ACAA1: variants seen among roughly 807,000 people sequenced by gnomAD.
The protein encoded by ACAA1 is 3-ketoacyl-CoA thiolase, peroxisomal.
Under a neutral mutation model 48.8 loss-of-function variants are expected in ACAA1, and 44 were observed. That is an observed-to-expected ratio of 0.90 (90% CI 0.71 to 1.16). The LOEUF (loss-of-function observed/expected upper bound fraction) is 1.16, where lower values mean the gene tolerates loss of function less well. ACAA1 is among the 50% of genes most tolerant of loss of function. ACAA1 has a pLI of 0.00. For missense variants in ACAA1, 512 were observed against 562.3 expected (o/e 0.91, Z 0.90); for synonymous variants, 233 against 226.5 (o/e 1.03, Z -0.26).
At position 38,136,862 on chromosome 3, in the gene ACAA1, C is replaced by T. The variant is rs1700912691; in HGVS notation, c.171+3G>A. 3.3e-6 allele frequency: 5 copies of T among 1,523,576 alleles called. No homozygotes were observed. The highest frequency in any genetic ancestry group is 3.5e-6 in the Non-Finnish European group (4 of 1,140,946). The allele number at this position is 1,523,576 out of a possible 1,614,324, so 94.4% of individuals were successfully genotyped here. A position where few individuals can be genotyped will look rare whatever the true frequency, so the allele number is the denominator to read the frequency against. On this transcript the variant is annotated splice_donor_region_variant and intron_variant, in intron 1 of 11. Coordinates refer to ENST00000333167, the MANE Select transcript of ACAA1 (RefSeq NM_001607.4). Reference sequence around the variant, plus strand: ...ACTCGGCGCCCAGACCCTCGGGCCTCACCTTGAAGCCGCCGCGGCCCGCCC... The same window carrying T: ...ACTCGGCGCCCAGACCCTCGGGCCTTACCTTGAAGCCGCCGCGGCCCGCCC...
chr3:38,132,152 G>A (rs1458573505), intron 3 of ACAA1, 147 bp from the exon 4 acceptor site: 3 of 622,650 alleles, frequency 4.8e-6, no homozygotes, highest in Non-Finnish European at 8.4e-6. Flanking sequence ...TGCCAGGCCA[G>A]ATCCATGGAA....
intron 3 of ACAA1, among the ~76,000 whole-genome samples, chr3:38,132,750 G>C (rs1700813622): frequency 6.6e-6 from 1 of 152,156 alleles, no homozygotes; most frequent in Non-Finnish European, 1.5e-5. Flanking sequence ...CTGGTGTGTA[G>C]CCAGAGTTGG....
intron 5 of ACAA1, among the ~76,000 whole-genome samples, chr3:38,131,067 T>C (rs1700776545): frequency 6.6e-6 from 1 of 152,140 alleles, no homozygotes; most frequent in African/African-American, 2.4e-5. Context: ...GGAGCCACAG[T>C]CTAGGTGAAG....
At chr3:38,136,723 C>G (rs1264920969) in intron 1 of ACAA1, 38 bp from the exon 2 acceptor site, 1 of 1,558,164 alleles carries the variant, frequency 6.4e-7, no homozygotes, top group Non-Finnish European at 8.7e-7. Context: ...CCCCCACTCC[C>G]CCATGCCCAC....
At chr3:38,136,834 C>G in intron 1 of ACAA1, 31 bp downstream of exon 1, 1 of 1,496,180 alleles carries the variant, frequency 6.7e-7, no homozygotes, top group East Asian at 2.5e-5. Context: ...GGCGTCTTCC[C>G]ACACTCGGCG....
chr3:38,125,819 G>T lies in ACAA1; in HGVS notation c.1053+7C>A. On this transcript the variant is annotated splice_region_variant and intron_variant, in intron 10 of 11. Coordinates refer to ENST00000333167, the MANE Select transcript of ACAA1 (RefSeq NM_001607.4). Reference sequence around the variant, plus strand: ...GGCAAAGGCAACATTGAGAAACAAGGGCTCACCTGGCTTGCAAAGGCCTCA... The same window carrying T: ...GGCAAAGGCAACATTGAGAAACAAGTGCTCACCTGGCTTGCAAAGGCCTCA... 6.2e-7 allele frequency: 1 copy of T among 1,614,192 alleles called. No homozygotes were observed.
At position 38,126,374 on chromosome 3, in the gene ACAA1, G is replaced by A. The variant is rs759494844; in HGVS notation, c.818-33C>T. 1.1e-5 allele frequency: 17 copies of A among 1,608,302 alleles called. No individual in the cohort carries two copies. Among genetic ancestry groups the A allele is most frequent in the Admixed American group, 6.7e-5 (4 of 59,602 alleles). On this transcript the variant is annotated intron_variant, in intron 8 of 11. Transcript: ENST00000333167. The surrounding 1 kb of genome is among the most constrained non-coding windows in gnomAD (Gnocchi z 4.7). ...CAAACTGTTGGGGTAAGAAGGCATC[G>A]GGGTGGGGATGAGGAGATCCCAGCC...
Position 38,126,367 on chromosome 3 carries a change from A to C in ACAA1, c.818-26T>G. 1 of 1,610,744 alleles carries C rather than the reference A, an allele frequency of 6.2e-7. No individual in the cohort carries two copies. The highest frequency in any genetic ancestry group is 1.1e-5 in the South Asian group (1 of 90,712). On this transcript the variant is annotated intron_variant, in intron 8 of 11. Transcript: ENST00000333167. The surrounding 1 kb of genome is among the most constrained non-coding windows in gnomAD (Gnocchi z 4.7). ...CTAGGGGCAAACTGTTGGGGTAAGA[A>C]GGCATCGGGGTGGGGATGAGGAGAT...
chr3:38,127,970 G>T, intron 6 of ACAA1, 104 bp from the exon 7 acceptor site: 1 of 1,128,748 alleles, frequency 8.9e-7, no homozygotes, highest in Non-Finnish European at 1.3e-6. Flanking sequence ...AAGGCTGTAG[G>T]CAGGACAGGA....
chr3:38,134,983 GC>G (rs1700861691), intron 2 of ACAA1, among the ~76,000 whole-genome samples: 1 of 151,528 alleles, frequency 6.6e-6, no homozygotes, highest in Non-Finnish European at 1.5e-5. Flanking sequence ...TCGGTGTAAA[GC>G]CGACTATTGG....
rs1700695431 is a variant in ACAA1, at chr3:38,126,957, C to G, written c.627-257G>C. Among the ~76,000 whole-genome samples, 1 of 152,156 alleles carries G rather than the reference C, an allele frequency of 6.6e-6. No individual in the cohort carries two copies. Among genetic ancestry groups the G allele is most frequent in the African/African-American group, 2.4e-5 (1 of 41,446 alleles). ...TGGAAGTGGTGCCTCCACTTAGAGCCCTTTGTCCAAGAGGGATTAAGCCTG... is the reference window on the plus strand; with the variant it reads ...TGGAAGTGGTGCCTCCACTTAGAGCGCTTTGTCCAAGAGGGATTAAGCCTG... On this transcript the variant is annotated intron_variant, in intron 7 of 11. Transcript: ENST00000333167. The surrounding 1 kb of genome is among the most constrained non-coding windows in gnomAD (Gnocchi z 4.7).
At chr3:38,123,924 T>C in intron 11 of ACAA1, 1 of 151,692 alleles carries the variant, frequency 6.6e-6, no homozygotes, top group African/African-American at 2.4e-5. Flanking sequence ...GGAAAATTGC[T>C]TGAACCCAAA....
Position 38,126,150 on chromosome 3 carries a change from G to A in ACAA1, c.997+12C>T, listed in dbSNP as rs1700677648. 1.2e-6 allele frequency: 2 copies of A among 1,611,764 alleles called. No individual in the cohort carries two copies. The highest frequency in any genetic ancestry group is 1.7e-6 in the Non-Finnish European group (2 of 1,178,664). ...GGTGGGACCCAGATACTATATGAAG[G>A]AGCCACCTTACCTGCTTTTTGCAAA... is the stretch of plus-strand genomic sequence containing the variant. On this transcript the variant is annotated intron_variant, in intron 9 of 11. Coordinates refer to ENST00000333167, the MANE Select transcript of ACAA1 (RefSeq NM_001607.4). The surrounding 1 kb of genome is among the most constrained non-coding windows in gnomAD (Gnocchi z 4.7).
intron 5 of ACAA1, 80 bp downstream of exon 5, chr3:38,131,516 A>G (rs1700788250): frequency 6.9e-7 from 1 of 1,459,620 alleles, no homozygotes; most frequent in African/African-American, 1.4e-5. Flanking sequence ...TCCTGAAATC[A>G]TGGCCTCTGA....
rs890142664 is a variant in ACAA1, at chr3:38,126,496, C to T, written c.817+14G>A. The T allele has an allele frequency of 8.7e-6, 14 of 1,614,202 alleles. No individual in the cohort carries two copies. The highest frequency in any genetic ancestry group is 1.3e-5 in the African/African-American group (1 of 75,046). ...GGCCTGCTTTCTCATACCCCTACCCCGGACCAGTCTCACCAGCTGTGGTAG... is the reference window on the plus strand; with the variant it reads ...GGCCTGCTTTCTCATACCCCTACCCTGGACCAGTCTCACCAGCTGTGGTAG... On this transcript the variant is annotated intron_variant, in intron 8 of 11. Coordinates refer to ENST00000333167, the MANE Select transcript of ACAA1 (RefSeq NM_001607.4). This position sits in a 1 kb window ranked among gnomAD's most constrained non-coding sequence, Gnocchi z 4.7.
At chr3:38,136,218 C>A (rs1700889506) in intron 2 of ACAA1, among the ~76,000 whole-genome samples, 1 of 152,164 alleles carries the variant, frequency 6.6e-6, no homozygotes, top group African/African-American at 2.4e-5. Context: ...TAGTACAGAT[C>A]AAAATGGAGT....
intron 11 of ACAA1, chr3:38,123,925 T>C (rs1700609474): frequency 6.6e-6 from 1 of 151,058 alleles, no homozygotes; most frequent in Non-Finnish European, 1.5e-5. Flanking sequence ...GAAAATTGCT[T>C]GAACCCAAAA....
chr3:38,132,074 T>G (rs1045057194), intron 3 of ACAA1, 69 bp from the exon 4 acceptor site: 2 of 1,417,760 alleles, frequency 1.4e-6, no homozygotes, highest in Middle Eastern at 1.8e-4. Context: ...AAAGCAGTCC[T>G]ATGCTTCTAA....
chr3:38,128,812 C>T (rs1438468993), intron 6 of ACAA1, among the ~76,000 whole-genome samples: 2 of 152,104 alleles, frequency 1.3e-5, no homozygotes, highest in African/African-American at 2.4e-5. Context: ...AGGATGGTCT[C>T]GATCTCCTGA....
Sources: gnomAD v4.1 joint callset for allele counts (sites outside exome capture counted in the v4.1 genomes callset) on GRCh38, gnomAD v4.1.1 for gene constraint, Gnocchi (gnomAD v3.1) non-coding constraint, MANE v1.5 for transcripts, NCBI Gene and HGNC (gene_info 2026-07-23, HGNC 2026-07-21) for gene names.